LOC128706666: variants seen among roughly 807,000 people sequenced by gnomAD.
chr20:10,414,742 A>G, the LOC128706666 span, among the ~76,000 whole-genome samples: 1 of 152,184 alleles, frequency 6.6e-6, no homozygotes, highest in Non-Finnish European at 1.5e-5. Context: ...TGGCATGTCT[A>G]CTGCAGGAAC....
chr20:10,433,342 C>A, the LOC128706666 span, among the ~76,000 whole-genome samples: 1 of 152,232 alleles, frequency 6.6e-6, no homozygotes, highest in African/African-American at 2.4e-5. Flanking sequence ...GTTGAATTCA[C>A]ACATGCGGAA....
At chr20:10,427,029 G>GACACACACACATACAC in the LOC128706666 span, among the ~76,000 whole-genome samples, 1 of 130,724 alleles carries the variant, frequency 7.6e-6, no homozygotes, top group Non-Finnish European at 1.6e-5. Context: ...AGAAAACACT[G>GACACACACACATACAC]ACACACACAC....
the LOC128706666 span, among the ~76,000 whole-genome samples, chr20:10,428,324 C>T: frequency 5.3e-5 from 8 of 152,282 alleles, no homozygotes; most frequent in African/African-American, 1.9e-4. Flanking sequence ...AGATCAGATA[C>T]CTAGATGAAT....
the LOC128706666 span, among the ~76,000 whole-genome samples, chr20:10,414,265 C>A: frequency 4.5e-5 from 6 of 132,360 alleles, no homozygotes; most frequent in South Asian, 2.5e-4. Context: ...GTCTCTGAGT[C>A]TTTTTTTTTT....
At chr20:10,422,616 A>G in the LOC128706666 span, among the ~76,000 whole-genome samples, 1 of 152,156 alleles carries the variant, frequency 6.6e-6, no homozygotes, top group Admixed American at 6.5e-5. Context: ...CCTTAACTAA[A>G]GGCCTAGAAG....
At chr20:10,417,220 T>G in the LOC128706666 span, among the ~76,000 whole-genome samples, 2 of 141,526 alleles carry the variant, frequency 1.4e-5, no homozygotes, top group African/African-American at 5.3e-5. Context: ...AACTGCAGCC[T>G]GGGTGACAGA....
chr20:10,425,296 T>C, the LOC128706666 span, among the ~76,000 whole-genome samples: 1 of 152,210 alleles, frequency 6.6e-6, no homozygotes, highest in Non-Finnish European at 1.5e-5. Flanking sequence ...AATGGCGATA[T>C]CCTAATTTGA....
the LOC128706666 span, among the ~76,000 whole-genome samples, chr20:10,415,726 A>G: frequency 6.6e-6 from 1 of 152,230 alleles, no homozygotes; most frequent in East Asian, 1.9e-4. Context: ...TGATTAAGAA[A>G]ATCGTTTTTC....
At chr20:10,414,295 C>T in the LOC128706666 span, among the ~76,000 whole-genome samples, 25 of 127,288 alleles carry the variant, frequency 2.0e-4, no homozygotes, top group Non-Finnish European at 3.5e-4. Context: ...GATGGAGTTT[C>T]GCTCTTGTTG....
the LOC128706666 span, among the ~76,000 whole-genome samples, chr20:10,422,889 T>C: frequency 3.3e-5 from 5 of 151,892 alleles, no homozygotes; most frequent in Non-Finnish European, 7.4e-5. Flanking sequence ...TTTTTTGTAT[T>C]TTTAGTAGAG....
chr20:10,414,395 G>A, the LOC128706666 span, among the ~76,000 whole-genome samples: 1 of 151,402 alleles, frequency 6.6e-6, no homozygotes. Flanking sequence ...CCTCCTCAGT[G>A]GCAGGGATTA....
At chr20:10,415,099 TAA>T in the LOC128706666 span, among the ~76,000 whole-genome samples, 1 of 151,910 alleles carries the variant, frequency 6.6e-6, no homozygotes, top group Non-Finnish European at 1.5e-5. Context: ...GTGTCCTTGC[TAA>T]AAAAAAGTGT....
the LOC128706666 span, among the ~76,000 whole-genome samples, chr20:10,432,481 T>C: frequency 8.4e-3 from 1,273 of 152,200 alleles, 7 homozygotes; most frequent in Non-Finnish European, 0.013. Context: ...ATCCAGATGC[T>C]CAGGTCCCTG....
At chr20:10,414,265 C>CTTTTTTTT in the LOC128706666 span, among the ~76,000 whole-genome samples, 1 of 132,360 alleles carries the variant, frequency 7.6e-6, no homozygotes, top group African/African-American at 2.8e-5. Flanking sequence ...GTCTCTGAGT[C>CTTTTTTTT]TTTTTTTTTT....
At chr20:10,433,066 T>C in the LOC128706666 span, among the ~76,000 whole-genome samples, 2 of 152,218 alleles carry the variant, frequency 1.3e-5, no homozygotes, top group Non-Finnish European at 2.9e-5. Flanking sequence ...TGCAGTGGCG[T>C]GATCTCCGCT....
the LOC128706666 span, among the ~76,000 whole-genome samples, chr20:10,415,402 G>A: frequency 1.4e-4 from 21 of 152,150 alleles, no homozygotes; most frequent in Non-Finnish European, 2.8e-4. Context: ...GGAATGTTAT[G>A]CAAATGTTAT....
chr20:10,425,117 T>G, the LOC128706666 span, among the ~76,000 whole-genome samples: 1 of 151,424 alleles, frequency 6.6e-6, no homozygotes, highest in Non-Finnish European at 1.5e-5. Flanking sequence ...TATAGTATAG[T>G]ATAACCTTAC....
At chr20:10,416,721 G>T in the LOC128706666 span, among the ~76,000 whole-genome samples, 1 of 152,202 alleles carries the variant, frequency 6.6e-6, no homozygotes, top group Non-Finnish European at 1.5e-5. Context: ...AGGAATGATA[G>T]AATTTGAGCA....
chr20:10,426,458 C>A, the LOC128706666 span, among the ~76,000 whole-genome samples: 3 of 152,156 alleles, frequency 2.0e-5, no homozygotes, highest in Non-Finnish European at 4.4e-5. Flanking sequence ...CAAGGGGGAG[C>A]GTAGTGGTGT....
Sources: gnomAD v4.1 joint callset for allele counts (sites outside exome capture counted in the v4.1 genomes callset) on GRCh38, gnomAD v4.1.1 for gene constraint, MANE v1.5 for transcripts.